The following TMEM67 variants were observed in gnomAD, a reference collection of about 807,000 sequenced individuals.
TMEM67 encodes the protein meckelin.
TMEM67 carries 124 observed loss-of-function variants against 136.6 expected under a neutral mutation model. That is an observed-to-expected ratio of 0.91 (90% CI 0.78 to 1.05). The LOEUF is 1.05. TMEM67 is among the 50% of genes least tolerant of loss of function. The pLI is 0.00. For synonymous variants in TMEM67, 364 were observed against 390.5 expected (o/e 0.93, Z 0.80); for missense variants, 1,107 against 1,178.4 (o/e 0.94, Z 0.89).
rs1814055743 is a variant in TMEM67, at chr8:93,785,524, A to G, written c.1288+146A>G. ...TCTATACAGTGTGCCAAAAAATGAA[A>G]CAATAAATTGCTGGTGGACTTAGAA... On this transcript the variant is annotated intron_variant, in intron 12 of 27. Transcript: ENST00000453321. 3 of 757,196 alleles carry G rather than the reference A, an allele frequency of 4.0e-6. No homozygotes were observed. In the East Asian group the frequency reaches 8.0e-5, roughly 20 times the overall value. 46.9% of individuals were successfully genotyped at this position (757,196 alleles called of 1,614,324 possible).
chr8:93,809,672 A>G (rs1808617897), intron 25 of TMEM67, 113 bp from the exon 26 acceptor site: 4 of 675,108 alleles, frequency 5.9e-6, no homozygotes, highest in East Asian at 2.8e-5. Flanking sequence ...TGAAGAACAG[A>G]TTTTCTTTAT....
At chr8:93,764,428 A>G (rs751872943) in intron 4 of TMEM67, among the ~76,000 whole-genome samples, 1 of 152,138 alleles carries the variant, frequency 6.6e-6, no homozygotes, top group Non-Finnish European at 1.5e-5. Context: ...TATGCTAATA[A>G]TAGCCCAGGT....
chr8:93,754,953 T>G lies in TMEM67; in HGVS notation c.39T>G (p.Val13=). The change falls in exon 1 of 28, where the codon GTT becomes GTG. Residue 13 remains valine, a synonymous_variant. Transcript: ENST00000453321. ...GTGGGGCTGGGGTGGCAATGGCGGT[T>G]TGGTCCCTCTTATCCGCCCGGGCCG... is the stretch of plus-strand genomic sequence containing the variant. The part of the protein sequence containing the change: ...TRGGAGVAMA[V]WSLLSARAVT... 6.2e-7 allele frequency: 1 copy of G among 1,614,132 alleles called. No homozygotes were observed. Among genetic ancestry groups the G allele is most frequent in the Non-Finnish European group, 8.5e-7 (1 of 1,180,034 alleles).
rs1485428137 is a variant in TMEM67 at position 93,816,960 on chromosome 8, A to G, written c.*508A>G. On this transcript the variant is annotated 3_prime_UTR_variant, in exon 28 of 28. Coordinates refer to ENST00000453321, the MANE Select transcript of TMEM67 (RefSeq NM_153704.6). ...TTGTATTATTGCTGATTCAATTTGC[A>G]TCATTCTAATTGCTCATCCTCTTTG... is the stretch of plus-strand genomic sequence containing the variant. The G allele has an allele frequency of 6.5e-6, 1 of 152,782 alleles. No homozygotes were observed. The highest frequency in any genetic ancestry group is 2.4e-5 in the African/African-American group (1 of 41,478). 9.5% of individuals were successfully genotyped at this position (152,782 alleles called of 1,614,324 possible).
At chr8:93,764,082 C>A in intron 4 of TMEM67, 141 bp downstream of exon 4, 2 of 696,420 alleles carry the variant, frequency 2.9e-6, no homozygotes, top group African/African-American at 1.8e-5. Context: ...TTAACAGATA[C>A]AGAAGCTGAG....
At chr8:93,794,048 T>C (rs1221477098) in intron 16 of TMEM67, among the ~76,000 whole-genome samples, 6 of 151,984 alleles carry the variant, frequency 3.9e-5, no homozygotes, top group Non-Finnish European at 8.8e-5. Context: ...CACACCACCA[T>C]GCCTGGCTAA....
In TMEM67 at chr8:93,817,152, T is replaced by C. The variant is rs1352084874; in HGVS notation, c.*700T>C. 3.9e-5 allele frequency: 6 copies of C among 152,272 alleles called. No individual in the cohort carries two copies. The highest frequency in any genetic ancestry group is 7.3e-5 in the Non-Finnish European group (5 of 68,048). 9.4% of individuals were successfully genotyped at this position (152,272 alleles called of 1,614,324 possible). A position where few individuals can be genotyped will look rare whatever the true frequency, so the allele number is the denominator to read the frequency against. ...ATAACGTATGACATTTTTCCCAATA[T>C]CATTTTTTATACATTTTAATTACTT... On this transcript the variant is annotated 3_prime_UTR_variant, in exon 28 of 28. Coordinates refer to ENST00000453321, the MANE Select transcript of TMEM67 (RefSeq NM_153704.6).
chr8:93,778,343 G>A (rs1472937755), intron 7 of TMEM67, among the ~76,000 whole-genome samples: 1 of 152,114 alleles, frequency 6.6e-6, no homozygotes, highest in Non-Finnish European at 1.5e-5. Context: ...GGAGCATTTA[G>A]CCCATTTACG....
intron 15 of TMEM67, among the ~76,000 whole-genome samples, chr8:93,792,348 A>G (rs1458108167): frequency 6.6e-6 from 1 of 151,612 alleles, no homozygotes; most frequent in East Asian, 1.9e-4. Context: ...ATTTTTTAAT[A>G]TTTTTAGTAG....
intron 2 of TMEM67, 169 bp downstream of exon 2, chr8:93,756,035 C>A: frequency 2.0e-6 from 1 of 497,218 alleles, no homozygotes; most frequent in Non-Finnish European, 3.6e-6. Flanking sequence ...AAATTTCATG[C>A]AAACTTGGAG....
the TMEM67 span, among the ~76,000 whole-genome samples, chr8:93,828,324 T>C: frequency 2.0e-5 from 3 of 152,042 alleles, no homozygotes; most frequent in South Asian, 2.1e-4. Flanking sequence ...ATCACCACCA[T>C]CATCATCATC....
intron 6 of TMEM67, among the ~76,000 whole-genome samples, chr8:93,772,042 A>C (rs1183116307): frequency 1.3e-5 from 2 of 152,196 alleles, no homozygotes; most frequent in East Asian, 3.8e-4. Context: ...TGTTATCTGT[A>C]GCCTTCAAAA....
chr8:93,755,715 G>A (rs1812536716), intron 1 of TMEM67, 63 bp from the exon 2 acceptor site: 2 of 1,090,166 alleles, frequency 1.8e-6, no homozygotes, highest in South Asian at 3.0e-5. Context: ...TTCACTATCT[G>A]GGAACTTTAT....
At chr8:93,798,625 T>C (rs188541664) in intron 20 of TMEM67, among the ~76,000 whole-genome samples, 2 of 152,340 alleles carry the variant, frequency 1.3e-5, no homozygotes, top group African/African-American at 4.8e-5. Flanking sequence ...AGATTGAATA[T>C]AAATCATTAA....
Position 93,761,618 on chromosome 8 carries a change from T to C in TMEM67, c.407-2224T>C, listed in dbSNP as rs1226378434. On this transcript the variant is annotated intron_variant, in intron 3 of 27. Coordinates refer to ENST00000453321, the MANE Select transcript of TMEM67 (RefSeq NM_153704.6). ...GAGATCAATCAATTAAATTATGATATAGTCATACAATGGTATAGAATGCAA... is the reference window on the plus strand; with the variant it reads ...GAGATCAATCAATTAAATTATGATACAGTCATACAATGGTATAGAATGCAA... Among the ~76,000 whole-genome samples, 3 of 152,294 alleles carry C rather than the reference T, an allele frequency of 2.0e-5. No individual in the cohort carries two copies. The South Asian group carries it at 6.2e-4, about 32-fold the overall frequency.
At position 93,758,335 on chromosome 8, in the gene TMEM67, C is replaced by G. The variant is rs1009297733; in HGVS notation, c.313-148C>G. ...TTTGGAATATAAGCATGAATTATCTCTCCAGGGAATTTTTATGTGGCTCAT... is the reference window on the plus strand; with the variant it reads ...TTTGGAATATAAGCATGAATTATCTGTCCAGGGAATTTTTATGTGGCTCAT... On this transcript the variant is annotated intron_variant, in intron 2 of 27. Transcript: ENST00000453321. 19 of 620,926 alleles carry G rather than the reference C, an allele frequency of 3.1e-5. No homozygotes were observed. The African/African-American group carries it at 3.5e-4, about 11-fold the overall frequency. 38.5% of individuals were successfully genotyped at this position (620,926 alleles called of 1,614,324 possible).
At chr8:93,798,127 C>T (rs1232968973) in intron 20 of TMEM67, among the ~76,000 whole-genome samples, 12 of 152,210 alleles carry the variant, frequency 7.9e-5, no homozygotes, top group Non-Finnish European at 5.9e-5. Context: ...TTCCCTGCTA[C>T]ACCTAACCCC....
At chr8:93,775,380 G>T (rs1404892211) in intron 7 of TMEM67, among the ~76,000 whole-genome samples, 2 of 152,088 alleles carry the variant, frequency 1.3e-5, no homozygotes, top group East Asian at 3.8e-4. Context: ...GTCTATTTTG[G>T]CTTTTGTTGC....
chr8:93,803,066 C>CATCTTTTTATTTATA (rs1362229738), intron 21 of TMEM67, among the ~76,000 whole-genome samples: 4 of 151,898 alleles, frequency 2.6e-5, no homozygotes, highest in Admixed American at 2.0e-4. Flanking sequence ...AAAGATGTAC[C>CATCTTTTTATTTATA]ATGTAAAATT....
Sources: gnomAD v4.1 joint callset for allele counts (sites outside exome capture counted in the v4.1 genomes callset) on GRCh38, gnomAD v4.1.1 for gene constraint, MANE v1.5 for transcripts, NCBI Gene and HGNC (gene_info 2026-07-23, HGNC 2026-07-21) for gene names.